The following BRCA1 variants were observed in gnomAD, a reference collection of about 807,000 sequenced individuals.
The protein encoded by BRCA1 is breast cancer type 1 susceptibility protein.
A neutral mutation model predicts 173.7 loss-of-function variants in BRCA1; 140 were observed. The observed-to-expected ratio is 0.81, with a 90% CI of 0.70 to 0.93. BRCA1 has a LOEUF of 0.93. Ranked by LOEUF, BRCA1 falls within the 40% of genes least tolerant of loss-of-function variation. BRCA1 has a pLI of 0.00. For missense variants in BRCA1, 1,983 were observed against 2,172.5 expected, an observed-to-expected ratio of 0.91 and a Z score of 1.73; for synonymous variants, 662 against 756.0, an observed-to-expected ratio of 0.88 and a Z score of 2.04.
chr17:43,100,537 C>CAT (rs1201598576), intron 6 of BRCA1, among the ~76,000 whole-genome samples: 45 of 34,426 alleles, frequency 1.3e-3, no homozygotes, highest in African/African-American at 3.1e-3. Context: ...TATATATATA[C>CAT]ATATATATGT....
At chr17:43,104,788 T>C (rs2054664697) in intron 5 of BRCA1, 80 bp downstream of exon 5, 16 of 1,262,640 alleles carry the variant, frequency 1.3e-5, no homozygotes, top group Non-Finnish European at 1.9e-5. Context: ...TATCACCACG[T>C]CATAGAAAGT....
At position 43,067,672 on chromosome 17, in the gene BRCA1, T is replaced by C. The variant is rs777828258; in HGVS notation, c.5010A>G (p.Arg1670=). The change falls in exon 16 of 23, where the codon AGA becomes AGG. Residue 1670 remains arginine, a synonymous_variant. Transcript: ENST00000357654. ...GATTAGTTAAAGTGATGTGGTGTTT[T>C]CTGGCAAACTTGTACACGAGCATCT... ...EEFMLVYKFA[R]KHHITLTNLI... 6.2e-7 allele frequency: 1 copy of C among 1,613,458 alleles called. No homozygotes were observed. The highest frequency in any genetic ancestry group is 8.5e-7 in the Non-Finnish European group (1 of 1,179,400).
intron 17 of BRCA1, among the ~76,000 whole-genome samples, chr17:43,063,587 G>A (rs886892505): frequency 1.3e-5 from 2 of 152,182 alleles, no homozygotes; most frequent in Non-Finnish European, 2.9e-5. Context: ...AAGTTTGCCT[G>A]CTGCACATGG....
upstream of BRCA1, among the ~76,000 whole-genome samples, chr17:43,126,880 GC>G: frequency 6.6e-6 from 1 of 152,180 alleles, no homozygotes; most frequent in South Asian, 2.1e-4. Context: ...CGCAGCGCTC[GC>G]CAGCCAGCGC....
At chr17:43,107,632 G>T (rs954313313) in intron 3 of BRCA1, among the ~76,000 whole-genome samples, 2 of 152,142 alleles carry the variant, frequency 1.3e-5, no homozygotes, top group African/African-American at 4.8e-5. Context: ...CTTCCAGAGT[G>T]CTGGGATTAC....
At chr17:43,166,493 C>G (rs1017454405) in intron 1 of BRCA1, 1 of 152,180 alleles carries the variant, frequency 6.6e-6, no homozygotes, top group Non-Finnish European at 1.5e-5. Context: ...CTATCTTACA[C>G]AAAGTTTTAA....
Position 43,048,506 on chromosome 17 carries a change from TTC to T in BRCA1, c.5406+613_5406+614del, listed in dbSNP as rs200225694. The stretch of plus-strand genomic sequence containing the variant: ...AGGCGTGAGCCACCGCACCTAGCTT[TTC>T]TCTCTCTCTCTTTTTTTTTTTTTTT... On this transcript the variant is annotated intron_variant, in intron 21 of 22. Coordinates refer to ENST00000357654, the MANE Select transcript of BRCA1 (RefSeq NM_007294.4). 3.2e-3 allele frequency among the ~76,000 whole-genome samples: 463 copies of T among 145,868 alleles called. 9 individuals are homozygous for T. The East Asian group carries it at 0.05, about 16-fold the overall frequency.
chr17:43,053,561 C>T (rs1456146366), intron 19 of BRCA1, among the ~76,000 whole-genome samples: 1 of 151,988 alleles, frequency 6.6e-6, no homozygotes, highest in Non-Finnish European at 1.5e-5. Flanking sequence ...ACTTGGGAGG[C>T]TGAGGCAGGA....
chr17:43,088,645 A>G (rs1239634713), intron 11 of BRCA1, among the ~76,000 whole-genome samples: 2 of 152,216 alleles, frequency 1.3e-5, no homozygotes, highest in Non-Finnish European at 2.9e-5. Flanking sequence ...GACTTCAGAA[A>G]GTTCATAAAA....
At chr17:43,161,791 T>A (rs976145033) in intron 1 of BRCA1, 2 of 152,230 alleles carry the variant, frequency 1.3e-5, no homozygotes, top group African/African-American at 4.8e-5. Context: ...CTGTAGGTAC[T>A]AATTCTCGGG....
intron 15 of BRCA1, among the ~76,000 whole-genome samples, chr17:43,069,148 A>G (rs1325958090): frequency 6.6e-6 from 1 of 152,234 alleles, no homozygotes; most frequent in Non-Finnish European, 1.5e-5. Flanking sequence ...AGGCTAGAGA[A>G]GCTAATGACA....
intron 1 of BRCA1, chr17:43,165,612 C>T (rs765232451): frequency 1.3e-5 from 2 of 151,744 alleles, no homozygotes; most frequent in African/African-American, 4.8e-5. Context: ...TTCGATATGC[C>T]TCAACTTTCT....
At chr17:43,082,347 T>C in intron 12 of BRCA1, 57 bp downstream of exon 12, 1 of 1,561,452 alleles carries the variant, frequency 6.4e-7, no homozygotes, top group Non-Finnish European at 8.8e-7. Context: ...CAGAAGGAGA[T>C]AAAGGGGAAG....
Position 43,115,764 on chromosome 17 carries a change from C to T in BRCA1, c.96G>A (p.Lys32=), listed in dbSNP as rs1597912013. 1 of 1,613,408 alleles carries T rather than the reference C, an allele frequency of 6.2e-7. No homozygotes were observed. Among genetic ancestry groups the T allele is most frequent in the African/African-American group, 1.3e-5 (1 of 74,878 alleles). ...GGTCACACTTTGTGGAGACAGGTTC[C>T]TTGATCAACTCCAGACTAGCAGGGT... ...LECPICLELI[K]EPVSTKCDHI... Residue 32 remains lysine, a synonymous_variant, in exon 3 of 23, where the codon AAG becomes AAA. Transcript: ENST00000357654.
chr17:43,144,874 C>T (rs1167822580), intron 1 of BRCA1: 14 of 520,766 alleles, frequency 2.7e-5, no homozygotes, highest in South Asian at 1.4e-4. Context: ...GGAGTGGCAG[C>T]GGCCAGGCAG....
intron 16 of BRCA1, among the ~76,000 whole-genome samples, chr17:43,065,339 T>C (rs2052017272): frequency 6.6e-6 from 1 of 152,142 alleles, no homozygotes; most frequent in South Asian, 2.1e-4. Context: ...CCAAGGGGTT[T>C]AGATCCTCTC....
At position 43,047,682 on chromosome 17, in the gene BRCA1, C is replaced by G. The variant is rs2050988927; in HGVS notation, c.5428G>C (p.Val1810Leu). ...LGTGVHPIVV[V>L]QPDAWTEDNG... ...TCCTCTGTCCAGGCATCTGGCTGCA[C>G]AACCACAATTGGGTGGACACCCTGG... is the stretch of plus-strand genomic sequence containing the variant. Residue 1810 changes from valine to leucine, a missense_variant, in exon 22 of 23, where the codon GTG becomes CTG. Transcript: ENST00000357654. 1 of 1,614,184 alleles carries G rather than the reference C, an allele frequency of 6.2e-7. No individual in the cohort carries two copies. The highest frequency in any genetic ancestry group is 8.5e-7 in the Non-Finnish European group (1 of 1,180,018).
rs147509580 is a variant in BRCA1 at position 43,088,583 on chromosome 17, C to T, written c.4185+2361G>A. On this transcript the variant is annotated intron_variant, in intron 11 of 22. Transcript: ENST00000357654. ...TGTATTTTCTAAGTTTTCTATGATG[C>T]ACATATATAACTTTATAAGAATATC... Among the ~76,000 whole-genome samples the T allele has an allele frequency of 8.7e-4, 133 of 152,200 alleles. No homozygotes were observed. In the East Asian group the frequency reaches 0.024, roughly 28 times the overall value.
rs2154304291 is a variant in BRCA1, at chr17:43,091,985, C to G, written c.3546G>C (p.Gln1182His). The stretch of plus-strand genomic sequence containing the variant: ...TAGGACTCCTGCTAAGCTCTCCTTT[C>G]TGGACGCTTTTGCTAAAAACAGCAG... ...ESSAVFSKSV[Q>H]KGELSRSPSP... The change falls in exon 10 of 23, where the codon CAG becomes CAC. Residue 1182 changes from glutamine (Q) to histidine (H), a missense_variant. Physicochemically the swap from Gln to His is conservative, Grantham distance 24. Transcript: ENST00000357654. 2 of 1,614,136 alleles carry G rather than the reference C, an allele frequency of 1.2e-6. No homozygotes were observed. The highest frequency in any genetic ancestry group is 1.7e-6 in the Non-Finnish European group (2 of 1,180,020).
Sources: gnomAD v4.1 joint callset for allele counts (sites outside exome capture counted in the v4.1 genomes callset) on GRCh38, gnomAD v4.1.1 for gene constraint, MANE v1.5 for transcripts, NCBI Gene and HGNC (gene_info 2026-07-23, HGNC 2026-07-21) for gene names.